GPC1: variants seen among roughly 807,000 people sequenced by gnomAD.
GPC1 encodes glypican-1.
Under a neutral mutation model 51.5 loss-of-function variants are expected in GPC1, and 26 were observed. The ratio of observed to expected loss-of-function variants is 0.50; its 90% CI spans 0.37 to 0.70. GPC1 has a LOEUF of 0.70. GPC1 is among the 30% of genes least tolerant of loss of function. The probability of loss-of-function intolerance (pLI) is 0.00; values close to 1 mark genes in which losing one functional copy is unlikely to be tolerated. For synonymous variants in GPC1, 380 were observed against 348.3 expected, an observed-to-expected ratio of 1.09 and a Z score of -1.01; for missense variants, 775 against 800.5, an observed-to-expected ratio of 0.97 and a Z score of 0.38.
At chr2:240,438,639 A>G (rs2073999310) in intron 1 of GPC1, among the ~76,000 whole-genome samples, 1 of 152,196 alleles carries the variant, frequency 6.6e-6, no homozygotes, top group Admixed American at 6.5e-5. Flanking sequence ...CCTCGTGGGA[A>G]GGAGAGCAGT....
At chr2:240,449,982 G>T in intron 1 of GPC1, 1 of 458,896 alleles carries the variant, frequency 2.2e-6, no homozygotes, top group South Asian at 1.6e-5. Flanking sequence ...TCTACCTTCC[G>T]GCTCTGGTGA....
rs571016953 is a variant in GPC1, at chr2:240,458,742, G to T, written c.167-288G>T. The T allele has an allele frequency of 2.3e-5, 9 of 397,718 alleles. No homozygotes were observed. The East Asian group carries it at 3.2e-4, about 14-fold the overall frequency. 24.6% of individuals were successfully genotyped at this position (397,718 alleles called of 1,614,324 possible). A position where few individuals can be genotyped will look rare whatever the true frequency, so the allele number is the denominator to read the frequency against. ...TGAGGCCAGTTCTTTGCTTGCAGCT[G>T]CTGGGACAGCAGGCTGGGGGGCAGG... On this transcript the variant is annotated intron_variant, in intron 1 of 8. Coordinates refer to ENST00000264039, the MANE Select transcript of GPC1 (RefSeq NM_002081.3).
chr2:240,436,310 G>A lies in GPC1; in HGVS notation c.166+226G>A, dbSNP rs552521338. On this transcript the variant is annotated intron_variant, in intron 1 of 8. Coordinates refer to ENST00000264039, the MANE Select transcript of GPC1 (RefSeq NM_002081.3). ...CGCCAGGGTCTCCTCCGCCCCGCTC[G>A]GTCGTCCTCCGCCCCTCCCCGCCCC... 5.5e-3 allele frequency among the ~76,000 whole-genome samples: 842 copies of A among 152,150 alleles called. 9 individuals carry two copies. Among genetic ancestry groups the A allele is most frequent in the African/African-American group, 0.019 (788 of 41,544 alleles).
chr2:240,463,288 G>T (rs910998198), intron 3 of GPC1, 59 bp from the exon 4 acceptor site: 13 of 1,505,388 alleles, frequency 8.6e-6, no homozygotes, highest in Non-Finnish European at 1.1e-5. Context: ...GTTAGGGGCT[G>T]GCCGGGGCCA....
intron 8 of GPC1, 75 bp from the exon 9 acceptor site, chr2:240,465,983 C>CGT (rs10700206): frequency 1.2e-6 from 1 of 845,888 alleles, no homozygotes. Flanking sequence ...TCACCTGGCA[C>CGT]GGGCCCTTAC....
At chr2:240,440,013 C>G (rs2074007848) in intron 1 of GPC1, among the ~76,000 whole-genome samples, 2 of 152,216 alleles carry the variant, frequency 1.3e-5, no homozygotes, top group African/African-American at 2.4e-5. Context: ...GATGCCCCCA[C>G]CCCCATCCCA....
chr2:240,461,650 G>A (rs79888220), intron 2 of GPC1, among the ~76,000 whole-genome samples: 2,821 of 152,270 alleles, frequency 0.019, 85 homozygotes, highest in African/African-American at 0.065. Context: ...CTTCTAAATC[G>A]CAGAAGCTGA....
intron 1 of GPC1, among the ~76,000 whole-genome samples, 197 bp downstream of exon 1, chr2:240,436,281 C>G (rs2073983559): frequency 6.6e-6 from 1 of 152,186 alleles, no homozygotes; most frequent in South Asian, 2.1e-4. Context: ...GCGCCGCACT[C>G]CCTCGCCAGG....
chr2:240,452,943 C>T, intron 1 of GPC1: 1 of 322,092 alleles, frequency 3.1e-6, no homozygotes, highest in South Asian at 2.2e-5. Flanking sequence ...GGCCCCGCTC[C>T]GCCGCCTTTC....
intron 1 of GPC1, among the ~76,000 whole-genome samples, chr2:240,447,602 C>T (rs970061685): frequency 4.6e-5 from 7 of 152,200 alleles, no homozygotes; most frequent in Admixed American, 2.6e-4. Context: ...TCCTGGTGGC[C>T]GTCGTCTTAG....
At chr2:240,437,030 GAACCA>G (rs1193667545) in intron 1 of GPC1, among the ~76,000 whole-genome samples, 1 of 152,234 alleles carries the variant, frequency 6.6e-6, no homozygotes, top group East Asian at 1.9e-4. Flanking sequence ...CCACGTGTGG[GAACCA>G]ACCTCGGTCT....
chr2:240,452,878 C>T lies in GPC1; in HGVS notation c.167-6152C>T, dbSNP rs764659119. On this transcript the variant is annotated intron_variant, in intron 1 of 8. Coordinates refer to ENST00000264039, the MANE Select transcript of GPC1 (RefSeq NM_002081.3). ...AGAGTCTCCCGCGCGCCCGGCGGACCGCAGCCCGCCCTCGTCCCCCGCTGG... is the reference window on the plus strand; with the variant it reads ...AGAGTCTCCCGCGCGCCCGGCGGACTGCAGCCCGCCCTCGTCCCCCGCTGG... 1.6e-3 allele frequency: 370 copies of T among 230,038 alleles called. 1 individual carries two copies. Among genetic ancestry groups the T allele is most frequent in the Non-Finnish European group, 2.5e-3 (286 of 115,028 alleles). 14.2% of individuals were successfully genotyped at this position (230,038 alleles called of 1,614,324 possible). A position where few individuals can be genotyped will look rare whatever the true frequency, so the allele number is the denominator to read the frequency against.
intron 1 of GPC1, chr2:240,452,837 CG>C (rs1382086704): frequency 1.1e-5 from 2 of 189,134 alleles, no homozygotes; most frequent in South Asian, 7.5e-5. Flanking sequence ...CGGCGCTGCC[CG>C]GGGTGGCTGC....
intron 1 of GPC1, among the ~76,000 whole-genome samples, chr2:240,441,491 T>C (rs1229556394): frequency 6.6e-6 from 1 of 152,112 alleles, no homozygotes; most frequent in Non-Finnish European, 1.5e-5. Flanking sequence ...GAGGCTGGGG[T>C]GGGCACTCCT....
At chr2:240,453,656 T>C (rs1262489583) in intron 1 of GPC1, among the ~76,000 whole-genome samples, 3 of 71,228 alleles carry the variant, frequency 4.2e-5, no homozygotes, top group Admixed American at 1.4e-4. Context: ...GCCCGCCCCC[T>C]TCCCTCCCCG....
chr2:240,439,682 G>A (rs2151785103), intron 1 of GPC1, among the ~76,000 whole-genome samples: 1 of 152,298 alleles, frequency 6.6e-6, no homozygotes, highest in East Asian at 1.9e-4. Flanking sequence ...GGGCCCGGGA[G>A]AGCCCACCAG....
In GPC1 at chr2:240,466,060, G is replaced by T; in HGVS notation, c.1447G>T (p.Asp483Tyr). 6.2e-7 allele frequency: 1 copy of T among 1,606,948 alleles called. No individual in the cohort carries two copies. The change falls in exon 9 of 9, where the codon GAC becomes TAC. Residue 483 changes from aspartate to tyrosine, a missense_variant and splice_region_variant. Asp to Tyr is a radical substitution (Grantham distance 160). Transcript: ENST00000264039. ...GNDVDFQDAS[D>Y]DGSGSGSGDG... Reference sequence around the variant, plus strand: ...CCGGAGCCTCCTCTCCTTCCCAGGTGACGACGGCAGCGGCTCGGGCAGCGG... The same window carrying T: ...CCGGAGCCTCCTCTCCTTCCCAGGTTACGACGGCAGCGGCTCGGGCAGCGG...
intron 1 of GPC1, among the ~76,000 whole-genome samples, chr2:240,437,622 G>A (rs1026618476): frequency 2.0e-5 from 3 of 152,170 alleles, no homozygotes; most frequent in Non-Finnish European, 2.9e-5. Context: ...CAAGGCCCTC[G>A]GCACAGTTGG....
At chr2:240,461,344 TGTG>T (rs1350399769) in intron 2 of GPC1, among the ~76,000 whole-genome samples, 1 of 152,248 alleles carries the variant, frequency 6.6e-6, no homozygotes, top group Admixed American at 6.5e-5. Context: ...TGGAGCACCT[TGTG>T]GTGGGCCATC....
Sources: gnomAD v4.1 joint callset for allele counts (sites outside exome capture counted in the v4.1 genomes callset) on GRCh38, gnomAD v4.1.1 for gene constraint, MANE v1.5 for transcripts, NCBI Gene and HGNC (gene_info 2026-07-23, HGNC 2026-07-21) for gene names.